The following KMT2A variants were observed in gnomAD, a reference collection of about 807,000 sequenced individuals.
KMT2A encodes histone-lysine N-methyltransferase 2A.
A neutral mutation model predicts 345.3 loss-of-function variants in KMT2A; 16 were observed. That is an observed-to-expected ratio of 0.05 (90% confidence interval 0.03 to 0.07). KMT2A has a LOEUF of 0.07. Among genes scored for constraint, KMT2A ranks in the 10% least tolerant of loss-of-function variants. The probability of loss-of-function intolerance (pLI) is 1.00; values close to 1 mark genes in which losing one functional copy is unlikely to be tolerated. For missense variants in KMT2A, 3,272 were observed against 4,841.6 expected (o/e 0.68, Z 9.62); for synonymous variants, 1,599 against 1,778.6 (o/e 0.90, Z 2.54).
At chr11:118,509,351 C>G (rs1180638148) in intron 29 of KMT2A, 151 bp downstream of exon 29, 8 of 610,612 alleles carry the variant, frequency 1.3e-5, no homozygotes, top group African/African-American at 1.3e-4. Flanking sequence ...TGGACTGAAA[C>G]TTGGCGCACC....
intron 1 of KMT2A, among the ~76,000 whole-genome samples, chr11:118,444,039 T>C (rs1949367064): frequency 6.6e-6 from 1 of 152,234 alleles, no homozygotes; most frequent in South Asian, 2.1e-4. Context: ...TTCATTCTTA[T>C]TTTACAGCAT....
At chr11:118,483,524 C>G (rs1379939367) in intron 8 of KMT2A, among the ~76,000 whole-genome samples, 1 of 152,140 alleles carries the variant, frequency 6.6e-6, no homozygotes, top group African/African-American at 2.4e-5. Context: ...CACCGAGACT[C>G]CGTCTCAAAA....
At position 118,525,272 on chromosome 11, in the gene KMT2A, C is replaced by T. The variant is rs2135313206; in HGVS notation, c.*3100C>T. On this transcript the variant is annotated 3_prime_UTR_variant, in exon 36 of 36. Coordinates refer to ENST00000534358, the MANE Select transcript of KMT2A (RefSeq NM_001197104.2). ...AACAGCTGCAAACCTGGTCAGTTCT[C>T]AGTGAGAGCCAGCTCACTTATAGCT... is the stretch of plus-strand genomic sequence containing the variant. 2 of 229,912 alleles carry T rather than the reference C, an allele frequency of 8.7e-6. No homozygotes were observed. The highest frequency in any genetic ancestry group is 1.7e-5 in the Non-Finnish European group (2 of 115,976). The allele number at this position is 229,912 out of a possible 1,614,324, so 14.2% of individuals were successfully genotyped here.
Position 118,497,912 on chromosome 11 carries a change from A to G in KMT2A, c.5665-24A>G. The stretch of plus-strand genomic sequence containing the variant: ...CCTTTGGCATTATATTCTTTAGGAA[A>G]AAAGAAATCTCTTTATTTTATAGGA... On this transcript the variant is annotated intron_variant, in intron 20 of 35. Transcript: ENST00000534358. The surrounding 1 kb of genome is among the most constrained non-coding windows in gnomAD (Gnocchi z 4.8). 1 of 1,592,736 alleles carries G rather than the reference A, an allele frequency of 6.3e-7. No individual in the cohort carries two copies.
At chr11:118,460,706 G>A (rs1949729599) in intron 1 of KMT2A, among the ~76,000 whole-genome samples, 1 of 152,196 alleles carries the variant, frequency 6.6e-6, no homozygotes, top group African/African-American at 2.4e-5. Context: ...TGCTCAGGCT[G>A]GAGTGCAGTG....
rs1207960881 is a variant in KMT2A at position 118,524,250 on chromosome 11, GC to G, written c.*2080del. On this transcript the variant is annotated 3_prime_UTR_variant, in exon 36 of 36. Coordinates refer to ENST00000534358, the MANE Select transcript of KMT2A (RefSeq NM_001197104.2). ...ATAAAGCAGATTTTTCTCTGCCTCT[GC>G]CACAAGGTTTCAGAGTAGTGTAGTC... is the stretch of plus-strand genomic sequence containing the variant. The G allele has an allele frequency of 4.3e-5, 8 of 183,950 alleles. No individual in the cohort carries two copies. In the East Asian group the frequency reaches 6.2e-4, roughly 14 times the overall value. 11.4% of individuals were successfully genotyped at this position (183,950 alleles called of 1,614,324 possible).
chr11:118,470,130 G>C (rs1243406456), intron 2 of KMT2A, among the ~76,000 whole-genome samples: 4 of 152,106 alleles, frequency 2.6e-5, no homozygotes, highest in African/African-American at 9.7e-5. Context: ...AGCAGTGCTG[G>C]GACTCTTCTC....
chr11:118,474,089 G>A lies in KMT2A; in HGVS notation c.2930G>A (p.Gly977Asp). The A allele has an allele frequency of 6.2e-7, 1 of 1,614,026 alleles. No individual in the cohort carries two copies. Among genetic ancestry groups the A allele is most frequent in the Admixed American group, 1.7e-5 (1 of 59,992 alleles). ...CTGGAAAAAACCAACTTGGACCTCGGCCCAACTGCCCCATCCCTGGAGAAG... is the reference window on the plus strand; with the variant it reads ...CTGGAAAAAACCAACTTGGACCTCGACCCAACTGCCCCATCCCTGGAGAAG... Reference protein sequence around the residue: ...GNLEKTNLDLGPTAPSLEKEK... With the variant: ...GNLEKTNLDLDPTAPSLEKEK... The change falls in exon 3 of 36, where the codon GGC (glycine) becomes GAC (aspartate). Residue 977 changes from glycine (G) to aspartate (D), a missense_variant. Gly to Asp is a moderately conservative substitution (Grantham distance 94, BLOSUM62 -1). Coordinates refer to ENST00000534358, the MANE Select transcript of KMT2A (RefSeq NM_001197104.2).
intron 31 of KMT2A, among the ~76,000 whole-genome samples, chr11:118,516,723 G>T (rs1414237772): frequency 1.3e-5 from 2 of 152,168 alleles, no homozygotes; most frequent in Non-Finnish European, 2.9e-5. Context: ...ATGAATAAAT[G>T]AGTCTCCCAC....
chr11:118,507,572 G>C lies in KMT2A; in HGVS notation c.10798G>C (p.Glu3600Gln). 6.2e-7 allele frequency: 1 copy of C among 1,614,186 alleles called. No homozygotes were observed. The highest frequency in any genetic ancestry group is 1.1e-5 in the South Asian group (1 of 91,076). The change falls in exon 28 of 36, where the codon GAG (glutamate) becomes CAG (glutamine). Residue 3600 changes from glutamate (E) to glutamine (Q), a missense_variant. By Grantham distance (29) the Glu-to-Gln change is conservative. Coordinates refer to ENST00000534358, the MANE Select transcript of KMT2A (RefSeq NM_001197104.2). ...EAEQQDTASV[E>Q]QSSQKECGQP... is the part of the protein sequence containing the mutation. The stretch of plus-strand genomic sequence containing the variant: ...TGAGCAGCAGGATACAGCTAGCGTG[G>C]AGCAGTCCTCCCAGAAGGAGTGTGG...
At chr11:118,499,194 A>G in intron 22 of KMT2A, 109 bp from the exon 23 acceptor site, 1 of 740,876 alleles carries the variant, frequency 1.3e-6, no homozygotes, top group South Asian at 1.6e-5. Flanking sequence ...GTGAAACAGA[A>G]GGATGCTTTT....
At chr11:118,513,249 A>AAAG (rs199569909) in intron 31 of KMT2A, among the ~76,000 whole-genome samples, 13 of 152,074 alleles carry the variant, frequency 8.5e-5, no homozygotes, top group South Asian at 2.1e-4. Context: ...GTCACAAAAA[A>AAAG]AAGAAGAAGA....
At chr11:118,461,363 TACA>T (rs1949739684) in intron 1 of KMT2A, among the ~76,000 whole-genome samples, 1 of 152,242 alleles carries the variant, frequency 6.6e-6, no homozygotes, top group Non-Finnish European at 1.5e-5. Flanking sequence ...TTATTATTTT[TACA>T]ACTAGATTTC....
In KMT2A at chr11:118,504,803, GCCT is replaced by G. The variant is rs1950553936; in HGVS notation, c.8916_8918del (p.Ser2973del). On this transcript the variant is annotated inframe_deletion, in exon 27 of 36. Transcript: ENST00000534358. The surrounding 1 kb of genome is among the most constrained non-coding windows in gnomAD (Gnocchi z 6.4). ...AGTAACCATCACAGAAAAATCTGTA[GCCT>G]CCTCTGAAAGTGACCCAGCACTGCT... The G allele has an allele frequency of 6.2e-7, 1 of 1,613,984 alleles. No individual in the cohort carries two copies. The highest frequency in any genetic ancestry group is 1.3e-5 in the African/African-American group (1 of 74,902).
chr11:118,478,549 C>T (rs1555038259), intron 5 of KMT2A, among the ~76,000 whole-genome samples: 1 of 152,216 alleles, frequency 6.6e-6, no homozygotes, highest in East Asian at 1.9e-4. Context: ...TTTCGTTTAA[C>T]TTTAGCCATG....
At chr11:118,444,431 A>T (rs1298258634) in intron 1 of KMT2A, among the ~76,000 whole-genome samples, 3 of 152,176 alleles carry the variant, frequency 2.0e-5, no homozygotes, top group Admixed American at 2.0e-4. Flanking sequence ...ACCTTTACAG[A>T]AGAAAGGGAG....
At chr11:118,456,344 C>CTT (rs879964617) in intron 1 of KMT2A, among the ~76,000 whole-genome samples, 1 of 145,374 alleles carries the variant, frequency 6.9e-6, no homozygotes, top group African/African-American at 2.5e-5. Context: ...AAAAATGAAC[C>CTT]TTTTTTTTTT....
intron 1 of KMT2A, among the ~76,000 whole-genome samples, chr11:118,443,599 T>C (rs1411768844): frequency 1.3e-5 from 2 of 152,258 alleles, no homozygotes; most frequent in African/African-American, 4.8e-5. Context: ...CTTTTAGATG[T>C]TGAATTGAAT....
intron 1 of KMT2A, among the ~76,000 whole-genome samples, chr11:118,459,016 T>C (rs1196639844): frequency 1.3e-5 from 2 of 152,232 alleles, no homozygotes; most frequent in Non-Finnish European, 2.9e-5. Context: ...GATGTTATTT[T>C]CAATTGATTC....
Sources: gnomAD v4.1 joint callset for allele counts (sites outside exome capture counted in the v4.1 genomes callset) on GRCh38, gnomAD v4.1.1 for gene constraint, Gnocchi (gnomAD v3.1) non-coding constraint, MANE v1.5 for transcripts, NCBI Gene and HGNC (gene_info 2026-07-23, HGNC 2026-07-21) for gene names.